The following TRAF2 variants were observed in gnomAD, a reference collection of about 807,000 sequenced individuals.
TRAF2 encodes TNF receptor-associated factor 2.
A neutral mutation model predicts 55.6 loss-of-function variants in TRAF2; 6 were observed. That is an observed-to-expected ratio of 0.11 (90% CI 0.06 to 0.21). The LOEUF is 0.21. TRAF2 is among the 10% of genes least tolerant of loss of function. TRAF2 has a pLI of 1.00. For missense variants in TRAF2, 561 were observed against 684.5 expected (o/e 0.82, Z 2.01); for synonymous variants, 329 against 276.3 (o/e 1.19, Z -1.89).
At chr9:136,890,574 C>T (rs912433810) in intron 1 of TRAF2, 38 of 152,280 alleles carry the variant, frequency 2.5e-4, no homozygotes, top group African/African-American at 8.2e-4. Flanking sequence ...AGTCGGATTC[C>T]AACATGTGCG....
At chr9:136,907,154 T>C (rs1017720221) in intron 4 of TRAF2, among the ~76,000 whole-genome samples, 2 of 152,236 alleles carry the variant, frequency 1.3e-5, no homozygotes, top group Admixed American at 1.3e-4. Context: ...TCTGTGTCCT[T>C]TTCCCTTGCC....
At chr9:136,925,638 A>G (rs1280448415) in intron 10 of TRAF2, 45 bp from the exon 11 acceptor site, 2 of 1,593,732 alleles carry the variant, frequency 1.3e-6, no homozygotes, top group Non-Finnish European at 1.7e-6. Flanking sequence ...CCAGAGAGAG[A>G]CGGCCCACAG....
chr9:136,887,380 G>C (rs1047635747), intron 1 of TRAF2, among the ~76,000 whole-genome samples: 7 of 152,232 alleles, frequency 4.6e-5, no homozygotes, highest in Non-Finnish European at 7.3e-5. Flanking sequence ...GAGGCGGCCA[G>C]ATGGGCAGCC....
intron 6 of TRAF2, chr9:136,910,226 A>G (rs1013261461): frequency 3.4e-6 from 2 of 585,212 alleles, no homozygotes; most frequent in Non-Finnish European, 3.1e-6. Context: ...TCCAGTGTAC[A>G]TAGCTGCTTA....
chr9:136,912,898 C>T (rs908714451), intron 6 of TRAF2, among the ~76,000 whole-genome samples: 1 of 152,058 alleles, frequency 6.6e-6, no homozygotes, highest in Non-Finnish European at 1.5e-5. Flanking sequence ...TTTGGGAAGC[C>T]AAGGCAGGTG....
Position 136,910,060 on chromosome 9 carries a change from G to A in TRAF2, c.603+66G>A, listed in dbSNP as rs780447534. The A allele has an allele frequency of 7.1e-5, 106 of 1,488,856 alleles. 1 individual carries two copies. The highest frequency in any genetic ancestry group is 1.7e-4 in the Middle Eastern group (1 of 5,882). 92.2% of individuals were successfully genotyped at this position (1,488,856 alleles called of 1,614,324 possible). A position where few individuals can be genotyped will look rare whatever the true frequency, so the allele number is the denominator to read the frequency against. On this transcript the variant is annotated intron_variant, in intron 6 of 10. Coordinates refer to ENST00000247668, the MANE Select transcript of TRAF2 (RefSeq NM_021138.4). ...CCCATGTGTTGGACGTGAGGGTCCC[G>A]TGGGTGGGGGTGGGGCAGGTTATGA...
At chr9:136,912,232 G>A (rs1280897986) in intron 6 of TRAF2, among the ~76,000 whole-genome samples, 5 of 131,516 alleles carry the variant, frequency 3.8e-5, no homozygotes, top group South Asian at 2.6e-4. Flanking sequence ...GCGCAATCTC[G>A]GCTCATTGCA....
chr9:136,925,959 G>T lies in TRAF2; in HGVS notation c.*58G>T. The stretch of plus-strand genomic sequence containing the variant: ...AGCCAGGCACAGCCGGCTCACGGAG[G>T]GGCCACCACGCTGGGCCAGGGTCTC... On this transcript the variant is annotated 3_prime_UTR_variant, in exon 11 of 11. Coordinates refer to ENST00000247668, the MANE Select transcript of TRAF2 (RefSeq NM_021138.4). The T allele has an allele frequency of 1.3e-6, 2 of 1,598,208 alleles. No homozygotes were observed. Among genetic ancestry groups the T allele is most frequent in the African/African-American group, 1.3e-5 (1 of 74,718 alleles).
intron 1 of TRAF2, among the ~76,000 whole-genome samples, chr9:136,890,040 C>A (rs1162578216): frequency 6.4e-4 from 88 of 138,438 alleles, no homozygotes; most frequent in Non-Finnish European, 1.2e-3. Flanking sequence ...TGTGTGAGTC[C>A]CCCCCGCACG....
chr9:136,912,851 G>A (rs960841932), intron 6 of TRAF2, among the ~76,000 whole-genome samples: 7 of 151,888 alleles, frequency 4.6e-5, no homozygotes, highest in African/African-American at 1.7e-4. Flanking sequence ...AACAAGTCAA[G>A]GCCAGTTGTG....
At chr9:136,906,448 G>T (rs1218823960) in intron 4 of TRAF2, among the ~76,000 whole-genome samples, 1 of 152,086 alleles carries the variant, frequency 6.6e-6, no homozygotes, top group South Asian at 2.1e-4. Flanking sequence ...CAGGGGAACT[G>T]CCCTTTATCA....
At chr9:136,914,230 G>A (rs1000412442) in intron 6 of TRAF2, among the ~76,000 whole-genome samples, 1 of 152,178 alleles carries the variant, frequency 6.6e-6, no homozygotes, top group Non-Finnish European at 1.5e-5. Flanking sequence ...TTCCATGGAC[G>A]GCCCTGCCGT....
rs978995623 is a variant in TRAF2, at chr9:136,925,351, A to G, written c.1288-332A>G. On this transcript the variant is annotated intron_variant, in intron 10 of 10. Transcript: ENST00000247668. ...TTTGGCAAGAAAATGTCTTTGCCAG[A>G]TGTGTTATTTTTTGCATTTTCCTAA... 3.9e-5 allele frequency among the ~76,000 whole-genome samples: 6 copies of G among 152,210 alleles called. No individual in the cohort carries two copies. The South Asian group carries it at 6.2e-4, about 16-fold the overall frequency.
rs1180716874 is a variant in TRAF2 at position 136,923,653 on chromosome 9, C to CT, written c.1139-190dup. 1.9e-4 allele frequency among the ~76,000 whole-genome samples: 28 copies of CT among 144,802 alleles called. 1 individual carries two copies. The South Asian group carries it at 3.3e-3, about 17-fold the overall frequency. The allele number at this position is 144,802 out of a possible 152,430, so 95.0% of individuals were successfully genotyped here. On this transcript the variant is annotated intron_variant, in intron 9 of 10. Coordinates refer to ENST00000247668, the MANE Select transcript of TRAF2 (RefSeq NM_021138.4). ...AAAAAAAACTTTTTCTAAGTACTAC[C>CT]TTTTTTTTTGTAATGAAATTTGTTT... is the stretch of plus-strand genomic sequence containing the variant.
At chr9:136,911,776 AGAG>A (rs1850112405) in intron 6 of TRAF2, among the ~76,000 whole-genome samples, 1 of 151,216 alleles carries the variant, frequency 6.6e-6, no homozygotes, top group Admixed American at 6.6e-5. Flanking sequence ...GGCCCGTTCC[AGAG>A]GAGAATGCTG....
chr9:136,898,570 C>G, intron 1 of TRAF2, 143 bp from the exon 2 acceptor site: 1 of 1,447,866 alleles, frequency 6.9e-7, no homozygotes, highest in South Asian at 1.4e-5. Context: ...TGAAGCTCTG[C>G]GATTCTGCTT....
chr9:136,918,574 C>T lies in TRAF2; in HGVS notation c.679-1660C>T, dbSNP rs577222496. 2.5e-4 allele frequency among the ~76,000 whole-genome samples: 38 copies of T among 151,858 alleles called. No homozygotes were observed. In the South Asian group the frequency reaches 7.5e-3, roughly 30 times the overall value. On this transcript the variant is annotated intron_variant, in intron 7 of 10. Transcript: ENST00000247668. ...TAAAGTGCTGGGATTACAGGCATGA[C>T]CGCGCCTGGCCTCATTTTCAAATTT...
At position 136,921,032 on chromosome 9, in the gene TRAF2, C is replaced by T. The variant is rs370708397; in HGVS notation, c.961-6C>T. ...TAAGAGGGAAGGTGGTCTTGGCACCCGGCAGGTGCAGCAGCTGGAGAGGAG... is the reference window on the plus strand; with the variant it reads ...TAAGAGGGAAGGTGGTCTTGGCACCTGGCAGGTGCAGCAGCTGGAGAGGAG... On this transcript the variant is annotated splice_polypyrimidine_tract_variant and splice_region_variant and intron_variant, in intron 8 of 10. Coordinates refer to ENST00000247668, the MANE Select transcript of TRAF2 (RefSeq NM_021138.4). 1.2e-4 allele frequency: 195 copies of T among 1,613,422 alleles called. No individual in the cohort carries two copies. The African/African-American group carries it at 1.3e-3, about 11-fold the overall frequency.
chr9:136,904,968 A>G (rs1233720640), intron 4 of TRAF2, among the ~76,000 whole-genome samples: 1 of 152,160 alleles, frequency 6.6e-6, no homozygotes, highest in Non-Finnish European at 1.5e-5. Flanking sequence ...GGCTGGGCCC[A>G]TGTTCCCTGG....
Sources: allele counts gnomAD v4.1 joint callset (sites outside exome capture counted in the v4.1 genomes callset), GRCh38; gene constraint gnomAD v4.1.1; transcripts MANE v1.5; gene names NCBI Gene and HGNC (gene_info 2026-07-23, HGNC 2026-07-21).